DTD1: variants seen among roughly 807,000 people sequenced by gnomAD.
DTD1 encodes the protein D-tyrosyl-tRNA deacylase 1 homolog.
In DTD1, 13 loss-of-function variants were observed where a neutral mutation model predicts 25.6. The ratio of observed to expected loss-of-function variants is 0.51; its 90% CI spans 0.33 to 0.81. The LOEUF (loss-of-function observed/expected upper bound fraction) is 0.81, where lower values mean the gene tolerates loss of function less well. Among genes scored for constraint, DTD1 ranks in the 30% least tolerant of loss-of-function variants. The probability of loss-of-function intolerance (pLI) is 0.02; values close to 1 mark genes in which losing one functional copy is unlikely to be tolerated. For synonymous variants in DTD1, 110 were observed against 103.6 expected, an observed-to-expected ratio of 1.06 and a Z score of -0.37; for missense variants, 193 against 266.4, an observed-to-expected ratio of 0.72 and a Z score of 1.92.
At chr20:18,687,934 G>A (rs774465947) in intron 4 of DTD1, among the ~76,000 whole-genome samples, 2 of 152,224 alleles carry the variant, frequency 1.3e-5, no homozygotes, top group African/African-American at 4.8e-5. Flanking sequence ...GTTTGGACTT[G>A]TGCCTTCTTA....
At chr20:18,644,981 A>G (rs1364749676) in intron 4 of DTD1, among the ~76,000 whole-genome samples, 1 of 152,134 alleles carries the variant, frequency 6.6e-6, no homozygotes, top group Non-Finnish European at 1.5e-5. Flanking sequence ...CTCCATCTCT[A>G]CAAATAATAA....
intron 4 of DTD1, among the ~76,000 whole-genome samples, chr20:18,696,219 CA>C (rs1290461724): frequency 6.6e-6 from 1 of 152,116 alleles, no homozygotes; most frequent in Non-Finnish European, 1.5e-5. Flanking sequence ...CCTCATATGT[CA>C]CCTTCCTGCC....
intron 4 of DTD1, among the ~76,000 whole-genome samples, chr20:18,739,422 A>T (rs1402463932): frequency 6.6e-6 from 1 of 152,178 alleles, no homozygotes; most frequent in East Asian, 1.9e-4. Context: ...CCACAGGATC[A>T]TCACCTGGCC....
intron 4 of DTD1, among the ~76,000 whole-genome samples, chr20:18,719,381 GC>G (rs1185282635): frequency 6.6e-6 from 1 of 152,168 alleles, no homozygotes; most frequent in Non-Finnish European, 1.5e-5. Context: ...TAAAGGCCTG[GC>G]CTAGGCCAGT....
At chr20:18,638,859 C>A (rs1287447246) in intron 4 of DTD1, among the ~76,000 whole-genome samples, 1 of 152,150 alleles carries the variant, frequency 6.6e-6, no homozygotes, top group Non-Finnish European at 1.5e-5. Flanking sequence ...ATTCTGGATA[C>A]ACTTTGGAGG....
chr20:18,666,677 A>G (rs1018521), intron 4 of DTD1, among the ~76,000 whole-genome samples: 49,507 of 152,044 alleles, frequency 0.33, 8,450 homozygotes, highest in Non-Finnish European at 0.38. Context: ...TCTTCTTGGT[A>G]TAGCTTTCTT....
At chr20:18,665,133 G>A (rs1295667987) in intron 4 of DTD1, among the ~76,000 whole-genome samples, 1 of 152,196 alleles carries the variant, frequency 6.6e-6, no homozygotes, top group Non-Finnish European at 1.5e-5. Context: ...GGGCATTATG[G>A]GAGGAGCATG....
chr20:18,711,102 C>T (rs756970737), intron 4 of DTD1, among the ~76,000 whole-genome samples: 2 of 152,194 alleles, frequency 1.3e-5, no homozygotes, highest in Non-Finnish European at 2.9e-5. Flanking sequence ...GTGAGTCCTT[C>T]CTGAGCTCCA....
intron 4 of DTD1, among the ~76,000 whole-genome samples, chr20:18,643,965 C>A (rs990477449): frequency 2.6e-5 from 4 of 152,138 alleles, no homozygotes; most frequent in Admixed American, 2.6e-4. Flanking sequence ...TCCCACCCCA[C>A]AAGGGCATTT....
chr20:18,740,848 A>G (rs887625911), intron 4 of DTD1, among the ~76,000 whole-genome samples: 2 of 152,234 alleles, frequency 1.3e-5, no homozygotes, highest in African/African-American at 4.8e-5. Flanking sequence ...AGAGCATTTT[A>G]ATACCAGAAG....
chr20:18,654,503 A>G (rs757586709), intron 4 of DTD1, among the ~76,000 whole-genome samples: 5 of 152,230 alleles, frequency 3.3e-5, no homozygotes, highest in African/African-American at 4.8e-5. Context: ...TCTGGAAAGT[A>G]TTCAAGTCCT....
intron 4 of DTD1, among the ~76,000 whole-genome samples, chr20:18,689,389 A>G (rs11906448): frequency 0.014 from 2,147 of 152,320 alleles, 34 homozygotes; most frequent in African/African-American, 0.021. Flanking sequence ...AGAATCACCT[A>G]TAGACTTTCT....
chr20:18,634,746 A>T (rs6112043), intron 4 of DTD1, among the ~76,000 whole-genome samples: 6 of 151,922 alleles, frequency 3.9e-5, no homozygotes, highest in Admixed American at 1.3e-4. Context: ...GAAAAGAATT[A>T]CATTTGGTTT....
intron 4 of DTD1, chr20:18,674,952 C>T (rs1217020999): frequency 6.6e-6 from 1 of 152,284 alleles, no homozygotes; most frequent in East Asian, 1.9e-4. Flanking sequence ...AACTCAGCAG[C>T]TCAACACAAC....
intron 4 of DTD1, among the ~76,000 whole-genome samples, chr20:18,665,955 A>T (rs2060930022): frequency 6.6e-6 from 1 of 152,272 alleles, no homozygotes; most frequent in South Asian, 2.1e-4. Flanking sequence ...ATATTGTCAA[A>T]ATTAAGAAAC....
intron 4 of DTD1, among the ~76,000 whole-genome samples, chr20:18,689,641 G>T (rs1173262452): frequency 6.6e-6 from 1 of 151,954 alleles, no homozygotes; most frequent in East Asian, 1.9e-4. Flanking sequence ...AGTGCATGTG[G>T]ACAATAAAAA....
chr20:18,702,860 C>T (rs1421472306), intron 4 of DTD1, among the ~76,000 whole-genome samples: 1 of 152,054 alleles, frequency 6.6e-6, no homozygotes, highest in African/African-American at 2.4e-5. Flanking sequence ...CCCTGTCAGT[C>T]ATGCGTCCTG....
intron 4 of DTD1, among the ~76,000 whole-genome samples, chr20:18,679,704 C>G (rs762123249): frequency 6.6e-6 from 1 of 152,154 alleles, no homozygotes; most frequent in Non-Finnish European, 1.5e-5. Flanking sequence ...AATAAGTAAC[C>G]AAATTCTGTT....
intron 4 of DTD1, among the ~76,000 whole-genome samples, chr20:18,740,543 C>T (rs892804107): frequency 1.3e-5 from 2 of 152,046 alleles, no homozygotes; most frequent in Non-Finnish European, 2.9e-5. Context: ...AGGCAGCTTA[C>T]CACAATTTAC....
Sources: allele counts gnomAD v4.1 joint callset (sites outside exome capture counted in the v4.1 genomes callset), GRCh38; gene constraint gnomAD v4.1.1; transcripts MANE v1.5; gene names NCBI Gene and HGNC (gene_info 2026-07-23, HGNC 2026-07-21).